The following INO80 variants were observed in gnomAD, a reference collection of about 807,000 sequenced individuals.
The protein encoded by INO80 is chromatin-remodeling ATPase INO80.
A neutral mutation model predicts 203.4 loss-of-function variants in INO80; 20 were observed. The ratio of observed to expected loss-of-function variants is 0.10; its 90% confidence interval spans 0.07 to 0.14. The LOEUF (loss-of-function observed/expected upper bound fraction) is 0.14, where lower values mean the gene tolerates loss of function less well. Ranked by LOEUF, INO80 falls within the 10% of genes least tolerant of loss-of-function variation. The pLI is 1.00. For synonymous variants in INO80, 726 were observed against 685.2 expected (o/e 1.06, Z -0.93); for missense variants, 1,419 against 1,914.4 (o/e 0.74, Z 4.83).
chr15:41,031,958 C>G (rs761762215), intron 24 of INO80, among the ~76,000 whole-genome samples: 11 of 66,560 alleles, frequency 1.7e-4, no homozygotes, highest in African/African-American at 4.0e-4. Context: ...CACAGCACAG[C>G]ACAGGACAGC....
At chr15:41,042,049 T>G (rs955220670) in intron 24 of INO80, among the ~76,000 whole-genome samples, 1 of 150,708 alleles carries the variant, frequency 6.6e-6, no homozygotes, top group Non-Finnish European at 1.5e-5. Flanking sequence ...AATCTTGCTC[T>G]GTTGCCCAGG....
intron 1 of INO80, chr15:41,109,117 C>T (rs2045923520): frequency 6.4e-6 from 1 of 155,306 alleles, no homozygotes; most frequent in Non-Finnish European, 1.4e-5. Flanking sequence ...TCTTTGCCAG[C>T]ATTAATAAGG....
chr15:41,108,049 G>A (rs908326168), intron 1 of INO80, among the ~76,000 whole-genome samples: 9 of 151,366 alleles, frequency 5.9e-5, no homozygotes, highest in Admixed American at 2.6e-4. Flanking sequence ...GTGGTGGGCC[G>A]AGATCACACC....
At chr15:41,083,048 C>T (rs964219320) in intron 7 of INO80, among the ~76,000 whole-genome samples, 7 of 151,702 alleles carry the variant, frequency 4.6e-5, no homozygotes, top group South Asian at 2.1e-4. Flanking sequence ...TATGGGAGGC[C>T]GAGGCGCACA....
At chr15:40,997,825 C>G (rs1291210086) in intron 28 of INO80, 4 of 412,214 alleles carry the variant, frequency 9.7e-6, no homozygotes, top group African/African-American at 2.0e-5. Flanking sequence ...ACTTTTGCTG[C>G]CCACTAATAG....
chr15:41,095,076 C>T (rs376368929), intron 4 of INO80, among the ~76,000 whole-genome samples: 4 of 151,078 alleles, frequency 2.6e-5, no homozygotes, highest in South Asian at 2.1e-4. Context: ...CGGTGGCTCA[C>T]GCCTATAATC....
At chr15:41,031,998 GACAGCACAGC>G (rs1414668191) in intron 24 of INO80, among the ~76,000 whole-genome samples, 12 of 53,880 alleles carry the variant, frequency 2.2e-4, no homozygotes, top group African/African-American at 5.6e-4. Flanking sequence ...CACAGCACAG[GACAGCACAGC>G]ACAGCACAGC....
intron 24 of INO80, among the ~76,000 whole-genome samples, chr15:41,030,056 A>C (rs2044436051): frequency 3.3e-5 from 5 of 152,242 alleles, no homozygotes; most frequent in African/African-American, 1.2e-4. Context: ...TCTACAGACC[A>C]GTCACTAAAT....
intron 9 of INO80, among the ~76,000 whole-genome samples, chr15:41,077,582 G>A (rs1477102339): frequency 6.6e-6 from 1 of 152,016 alleles, no homozygotes; most frequent in African/African-American, 2.4e-5. Context: ...TTTCTGAAGA[G>A]ATGGTATCTT....
intron 30 of INO80, 86 bp downstream of exon 30, chr15:40,987,730 A>G (rs2043759756): frequency 4.8e-6 from 6 of 1,241,824 alleles, no homozygotes; most frequent in Non-Finnish European, 6.8e-6. Context: ...AAGGCAAGAG[A>G]GTTTTAAAAT....
chr15:41,111,961 G>A (rs1027058982), intron 1 of INO80, among the ~76,000 whole-genome samples: 1 of 152,156 alleles, frequency 6.6e-6, no homozygotes. Flanking sequence ...CTGGAGTGCA[G>A]TGGCACAATC....
chr15:41,055,958 T>TC (rs2044976197), intron 17 of INO80, among the ~76,000 whole-genome samples: 1 of 150,714 alleles, frequency 6.6e-6, no homozygotes, highest in Non-Finnish European at 1.5e-5. Context: ...TTTTTTTTTT[T>TC]TTTTGAGATG....
At chr15:41,079,587 A>C (rs1188883124) in intron 9 of INO80, 114 bp downstream of exon 9, 3 of 1,036,476 alleles carry the variant, frequency 2.9e-6, no homozygotes, top group African/African-American at 1.6e-5. Flanking sequence ...AAAAAAAAAA[A>C]AAACAAAAAA....
At chr15:41,066,973 G>A (rs945973081) in intron 14 of INO80, among the ~76,000 whole-genome samples, 3 of 151,982 alleles carry the variant, frequency 2.0e-5, no homozygotes, top group Admixed American at 1.3e-4. Context: ...TAAAGTCAAA[G>A]GAAAGGCATC....
intron 35 of INO80, among the ~76,000 whole-genome samples, chr15:40,982,466 T>C (rs1457205472): frequency 1.3e-5 from 2 of 152,218 alleles, no homozygotes; most frequent in African/African-American, 2.4e-5. Flanking sequence ...TATACGCCTA[T>C]GCATGCAGCA....
At chr15:41,015,142 A>G (rs2044184635) in intron 27 of INO80, among the ~76,000 whole-genome samples, 1 of 152,218 alleles carries the variant, frequency 6.6e-6, no homozygotes, top group South Asian at 2.1e-4. Flanking sequence ...TCAGACAAGA[A>G]AAAGAAAAAC....
chr15:41,014,066 T>C (rs993435891), intron 27 of INO80, among the ~76,000 whole-genome samples: 5 of 152,212 alleles, frequency 3.3e-5, no homozygotes, highest in African/African-American at 1.2e-4. Flanking sequence ...TTACTTATTT[T>C]AGTAATATTT....
At chr15:41,115,515 A>G (rs1051579044) in intron 1 of INO80, among the ~76,000 whole-genome samples, 2 of 152,202 alleles carry the variant, frequency 1.3e-5, no homozygotes, top group African/African-American at 4.8e-5. Context: ...CCCTTACAAA[A>G]TGACACACTA....
rs192218977 is a variant in INO80, at chr15:40,991,474, A to G, written c.3571-3500T>C. Among the ~76,000 whole-genome samples, 416 of 152,246 alleles carry G rather than the reference A, an allele frequency of 2.7e-3. 3 individuals are homozygous for G. Among genetic ancestry groups the G allele is most frequent in the South Asian group, 0.013 (61 of 4,828 alleles). ...CCACTGTGGAACAGGGATGATGCCT[A>G]TATTTGGCAGTTGGGTTTATGGAGC... On this transcript the variant is annotated intron_variant, in intron 29 of 35. Coordinates refer to ENST00000648947, the MANE Select transcript of INO80 (RefSeq NM_017553.3).
Sources: gnomAD v4.1 joint callset for allele counts (sites outside exome capture counted in the v4.1 genomes callset) on GRCh38, gnomAD v4.1.1 for gene constraint, MANE v1.5 for transcripts, NCBI Gene and HGNC (gene_info 2026-07-23, HGNC 2026-07-21) for gene names.